The following KCNK2 variants were observed in gnomAD, a reference collection of about 807,000 sequenced individuals.
KCNK2 encodes the protein potassium two pore domain channel subfamily K member 2.
In KCNK2, 21 loss-of-function variants were observed where a neutral mutation model predicts 40.5. The ratio of observed to expected loss-of-function variants is 0.52; its 90% CI spans 0.37 to 0.75. The LOEUF (loss-of-function observed/expected upper bound fraction) is 0.75, where lower values mean the gene tolerates loss of function less well. Ranked by LOEUF, KCNK2 falls within the 30% of genes least tolerant of loss-of-function variation. The pLI is 0.00. For synonymous variants in KCNK2, 191 were observed against 202.2 expected (o/e 0.94, Z 0.47); for missense variants, 399 against 531.6 (o/e 0.75, Z 2.45).
intron 2 of KCNK2, among the ~76,000 whole-genome samples, chr1:215,110,801 C>T (rs563047544): frequency 1.3e-5 from 2 of 152,086 alleles, no homozygotes; most frequent in Non-Finnish European, 2.9e-5. Flanking sequence ...ATCAGAGTTA[C>T]ACATTTGTTA....
At chr1:215,009,762 AG>A (rs1171626427) in intron 1 of KCNK2, among the ~76,000 whole-genome samples, 1 of 152,170 alleles carries the variant, frequency 6.6e-6, no homozygotes, top group African/African-American at 2.4e-5. Flanking sequence ...CACAAAAAAA[AG>A]ATATAGTATA....
rs143577181 is a variant in KCNK2 at position 215,057,244 on chromosome 1, G to A, written c.35-29124G>A. ...GTGAAGTTGAGATATGCATATTTAA[G>A]CATAAAAGAGTTATAGGATAATCAT... On this transcript the variant is annotated intron_variant, in intron 1 of 6. Coordinates refer to the KCNK2 transcript ENST00000391895. Among the ~76,000 whole-genome samples the A allele has an allele frequency of 2.4e-3, 360 of 150,346 alleles. 1 individual carries two copies. Among genetic ancestry groups the A allele is most frequent in the African/African-American group, 8.4e-3 (343 of 40,784 alleles).
intron 1 of KCNK2, among the ~76,000 whole-genome samples, chr1:215,010,690 G>A (rs981051286): frequency 5.3e-5 from 8 of 152,136 alleles, no homozygotes; most frequent in African/African-American, 1.4e-4. Flanking sequence ...TGTGTAAAAA[G>A]CAACCAGCAA....
At chr1:215,113,017 T>C (rs1240571639) in intron 2 of KCNK2, among the ~76,000 whole-genome samples, 2 of 152,172 alleles carry the variant, frequency 1.3e-5, no homozygotes, top group African/African-American at 4.8e-5. Flanking sequence ...TGATAGTGAT[T>C]TTATGTCTAC....
At chr1:215,221,371 C>T (rs1571746843) in intron 6 of KCNK2, among the ~76,000 whole-genome samples, 1 of 152,104 alleles carries the variant, frequency 6.6e-6, no homozygotes, top group Non-Finnish European at 1.5e-5. Flanking sequence ...GAGACTCCAT[C>T]TCAAAAGAAA....
intron 1 of KCNK2, among the ~76,000 whole-genome samples, chr1:215,068,401 A>C (rs1658633566): frequency 6.6e-6 from 1 of 152,194 alleles, no homozygotes; most frequent in Admixed American, 6.5e-5. Context: ...CGAAAGAAAC[A>C]CTACAGTTAA....
chr1:215,065,344 A>G (rs1658500518), intron 1 of KCNK2, among the ~76,000 whole-genome samples: 1 of 152,172 alleles, frequency 6.6e-6, no homozygotes, highest in Admixed American at 6.6e-5. Context: ...AGAAATTTAT[A>G]TGCTCTTTAA....
At chr1:215,146,298 T>C (rs553857158) in intron 3 of KCNK2, among the ~76,000 whole-genome samples, 2 of 152,176 alleles carry the variant, frequency 1.3e-5, no homozygotes, top group Admixed American at 6.5e-5. Context: ...GTTATATGAA[T>C]GTATCTTGCT....
chr1:215,196,950 A>C (rs965481769), intron 6 of KCNK2, among the ~76,000 whole-genome samples: 2 of 152,176 alleles, frequency 1.3e-5, no homozygotes, highest in Non-Finnish European at 2.9e-5. Context: ...CCTATTTCAT[A>C]CGGTCAGGTA....
chr1:215,172,258 C>G, intron 5 of KCNK2, 75 bp downstream of exon 5: 1 of 1,349,016 alleles, frequency 7.4e-7, no homozygotes, highest in Non-Finnish European at 1.0e-6. Flanking sequence ...AGGTTTATAA[C>G]GAAACACAAG....
intron 1 of KCNK2, among the ~76,000 whole-genome samples, chr1:215,062,665 A>C (rs374699993): frequency 3.3e-5 from 5 of 151,618 alleles, no homozygotes; most frequent in Non-Finnish European, 5.9e-5. Context: ...GGATGGGCTA[A>C]AGTTAATTTC....
chr1:215,073,661 G>A (rs1218296998), intron 1 of KCNK2, among the ~76,000 whole-genome samples: 1 of 152,110 alleles, frequency 6.6e-6, no homozygotes, highest in East Asian at 1.9e-4. Context: ...CATGGAGCCT[G>A]CAGGTGTGGG....
chr1:215,079,797 G>A (rs1659083745), upstream of KCNK2, among the ~76,000 whole-genome samples: 1 of 152,106 alleles, frequency 6.6e-6, no homozygotes, highest in Non-Finnish European at 1.5e-5. Context: ...ACTTCAAACA[G>A]CATGAGTAAG....
At chr1:215,116,695 G>A (rs1660960695) in intron 2 of KCNK2, among the ~76,000 whole-genome samples, 1 of 152,012 alleles carries the variant, frequency 6.6e-6, no homozygotes, top group Non-Finnish European at 1.5e-5. Flanking sequence ...TTAAAGTCTG[G>A]TGTGCAGAAA....
chr1:215,041,941 G>A (rs1292195432), intron 1 of KCNK2, among the ~76,000 whole-genome samples: 1 of 152,162 alleles, frequency 6.6e-6, no homozygotes, highest in Admixed American at 6.5e-5. Context: ...TCACAATCAT[G>A]GCAAAAGGGG....
At chr1:215,164,253 A>T (rs1663339333) in intron 3 of KCNK2, among the ~76,000 whole-genome samples, 2 of 152,004 alleles carry the variant, frequency 1.3e-5, no homozygotes, top group African/African-American at 4.8e-5. Flanking sequence ...TTTCTGTGGG[A>T]TCAGTGGTGA....
intron 6 of KCNK2, among the ~76,000 whole-genome samples, chr1:215,226,309 CTT>C (rs977168282): frequency 1.8e-4 from 28 of 151,880 alleles, no homozygotes; most frequent in African/African-American, 6.8e-4. Context: ...GTTTGTTTGT[CTT>C]GTTTTTTATT....
At chr1:215,098,468 C>CT (rs1028479066) in intron 2 of KCNK2, among the ~76,000 whole-genome samples, 5 of 151,854 alleles carry the variant, frequency 3.3e-5, no homozygotes, top group African/African-American at 1.2e-4. Context: ...TTATGTGTCT[C>CT]TTTCTCCTGG....
At chr1:215,016,585 A>G (rs1656595052) in intron 1 of KCNK2, among the ~76,000 whole-genome samples, 1 of 152,198 alleles carries the variant, frequency 6.6e-6, no homozygotes, top group South Asian at 2.1e-4. Context: ...CTCATCTCAC[A>G]TAATATATAA....
Sources: allele counts gnomAD v4.1 joint callset (sites outside exome capture counted in the v4.1 genomes callset), GRCh38; gene constraint gnomAD v4.1.1; transcripts MANE v1.5; gene names NCBI Gene and HGNC (gene_info 2026-07-23, HGNC 2026-07-21).